Variants in ANKRD30BL observed in about 807,000 individuals in gnomAD.
ANKRD30BL encodes putative ankyrin repeat domain-containing protein 30B-like.
A neutral mutation model predicts 18.4 loss-of-function variants in ANKRD30BL; 20 were observed. That is an observed-to-expected ratio of 1.09 (90% confidence interval 0.77 to 1.58). The LOEUF is 1.58. Ranked by LOEUF, ANKRD30BL falls within the 40% of genes most tolerant of loss-of-function variation. The probability of loss-of-function intolerance (pLI) is 0.00; values close to 1 mark genes in which losing one functional copy is unlikely to be tolerated. For missense variants in ANKRD30BL, 224 were observed against 268.6 expected (o/e 0.83, Z 1.16); for synonymous variants, 72 against 100.9 (o/e 0.71, Z 1.72).
In ANKRD30BL at chr2:132,253,711, G is replaced by GCACCTGACC. The variant is rs1392453828; in HGVS notation, n.441+3809_441+3817dup. Among the ~76,000 whole-genome samples the GCACCTGACC allele has an allele frequency of 6.0e-3, 919 of 152,008 alleles. 3 individuals are homozygous for GCACCTGACC. Among genetic ancestry groups the GCACCTGACC allele is most frequent in the Non-Finnish European group, 0.01 (688 of 67,886 alleles). Reference sequence around the variant, plus strand: ...GAACGGACTCCACTGTGGGCCCACTGCACCTGACCCACAGGCAGACCGGCG... The same window carrying GCACCTGACC: ...GAACGGACTCCACTGTGGGCCCACTGCACCTGACCCACCTGACCCACAGGCAGACCGGCG... On this transcript the variant is annotated intron_variant and non_coding_transcript_variant, in intron 1 of 4. Coordinates refer to the ANKRD30BL transcript ENST00000470729.
intron 1 of ANKRD30BL, among the ~76,000 whole-genome samples, chr2:132,254,980 C>G (rs564337042): frequency 6.6e-6 from 1 of 152,304 alleles, no homozygotes; most frequent in African/African-American, 2.4e-5. Context: ...GCAGGCTCCA[C>G]TCCTGGTGGT....
chr2:132,176,589 C>T (rs1437238445), intron 1 of ANKRD30BL, among the ~76,000 whole-genome samples: 5 of 150,350 alleles, frequency 3.3e-5, no homozygotes, highest in Admixed American at 6.7e-5. Context: ...CCAGCCTGGG[C>T]GATAGAGCAA....
chr2:132,203,624 C>T (rs924932549), intron 1 of ANKRD30BL, among the ~76,000 whole-genome samples: 7 of 152,032 alleles, frequency 4.6e-5, no homozygotes, highest in African/African-American at 1.7e-4. Flanking sequence ...AATACAATTT[C>T]TCAGTTGAGA....
chr2:132,226,106 T>C (rs1177521367), intron 1 of ANKRD30BL, among the ~76,000 whole-genome samples: 1 of 152,084 alleles, frequency 6.6e-6, no homozygotes, highest in African/African-American at 2.4e-5. Flanking sequence ...AGAGCAGTTA[T>C]GAAACACTCT....
intron 1 of ANKRD30BL, among the ~76,000 whole-genome samples, chr2:132,247,485 T>C (rs370085163): frequency 4.7e-4 from 69 of 148,348 alleles, no homozygotes; most frequent in African/African-American, 1.7e-3. Context: ...TACAAAAGGA[T>C]TGTTTCCAAA....
intron 1 of ANKRD30BL, among the ~76,000 whole-genome samples, chr2:132,176,077 A>G (rs1196901344): frequency 8.5e-5 from 13 of 152,228 alleles, no homozygotes; most frequent in Non-Finnish European, 1.9e-4. Flanking sequence ...GAAGAAAACT[A>G]AAACAAATAA....
intron 1 of ANKRD30BL, among the ~76,000 whole-genome samples, chr2:132,250,593 A>C (rs989970525): frequency 8.5e-5 from 13 of 152,208 alleles, no homozygotes; most frequent in Non-Finnish European, 1.5e-4. Flanking sequence ...AAACAGATTC[A>C]GGGAAAGGGC....
chr2:132,188,713 A>AAACAAC lies in ANKRD30BL; in HGVS notation n.442-31573_442-31568dup, dbSNP rs72500297. ...TGATAGAGCGAGCCTCTGTCTCAGA[A>AAACAAC]AACAACAACAACAACAACAACAACA... On this transcript the variant is annotated intron_variant and non_coding_transcript_variant, in intron 1 of 4. Coordinates refer to the ANKRD30BL transcript ENST00000470729. Among the ~76,000 whole-genome samples, 877 of 151,606 alleles carry AAACAAC rather than the reference A, an allele frequency of 5.8e-3. 5 individuals are homozygous for AAACAAC. The highest frequency in any genetic ancestry group is 0.02 in the African/African-American group (821 of 41,152).
At chr2:132,187,188 G>GTTTTTTTTTTTT (rs1193358076) in intron 1 of ANKRD30BL, among the ~76,000 whole-genome samples, 4 of 90,620 alleles carry the variant, frequency 4.4e-5, no homozygotes, top group East Asian at 3.4e-4. Flanking sequence ...TTTTTTGTTT[G>GTTTTTTTTTTTT]TTTTTTTTTT....
At chr2:132,254,414 G>A (rs991238914) in intron 1 of ANKRD30BL, among the ~76,000 whole-genome samples, 1 of 152,240 alleles carries the variant, frequency 6.6e-6, no homozygotes, top group Admixed American at 6.5e-5. Flanking sequence ...AGATAGTCAA[G>A]TTCGACTGTC....
intron 1 of ANKRD30BL, among the ~76,000 whole-genome samples, chr2:132,201,557 G>T (rs1201675314): frequency 6.6e-6 from 1 of 152,128 alleles, no homozygotes; most frequent in Non-Finnish European, 1.5e-5. Context: ...ATCATCACTG[G>T]CCATCAGAGA....
At chr2:132,216,926 A>G (rs1211501413) in intron 1 of ANKRD30BL, among the ~76,000 whole-genome samples, 1 of 151,994 alleles carries the variant, frequency 6.6e-6, no homozygotes, top group Non-Finnish European at 1.5e-5. Context: ...ATATCTTCAC[A>G]TAATCACTAG....
At chr2:132,177,697 A>T (rs889713793) in intron 1 of ANKRD30BL, among the ~76,000 whole-genome samples, 5 of 152,228 alleles carry the variant, frequency 3.3e-5, no homozygotes, top group African/African-American at 1.2e-4. Context: ...GGATTTCAAT[A>T]TAGCATTTTC....
At chr2:132,245,864 C>T (rs1204027612) in intron 1 of ANKRD30BL, among the ~76,000 whole-genome samples, 1 of 151,196 alleles carries the variant, frequency 6.6e-6, no homozygotes, top group Non-Finnish European at 1.5e-5. Flanking sequence ...ATTCAACATT[C>T]TCTTTTATAG....
intron 1 of ANKRD30BL, among the ~76,000 whole-genome samples, chr2:132,222,484 T>C (rs1679718729): frequency 6.6e-6 from 1 of 152,150 alleles, no homozygotes; most frequent in South Asian, 2.1e-4. Context: ...CATTTTGTTC[T>C]GTACTGGGAA....
chr2:132,242,515 G>A (rs1014587799), intron 1 of ANKRD30BL, among the ~76,000 whole-genome samples: 1 of 149,860 alleles, frequency 6.7e-6, no homozygotes, highest in Non-Finnish European at 1.5e-5. Context: ...AGCGCTTTGT[G>A]GCCTATGGTG....
At chr2:132,231,273 C>A (rs139259617) in intron 1 of ANKRD30BL, among the ~76,000 whole-genome samples, 10 of 152,294 alleles carry the variant, frequency 6.6e-5, no homozygotes, top group African/African-American at 1.9e-4. Context: ...TGAAGAAATG[C>A]AAATGGATAT....
At position 132,221,069 on chromosome 2, in the gene ANKRD30BL, G is replaced by T. The variant is rs1285675799; in HGVS notation, n.441+36460C>A. On this transcript the variant is annotated intron_variant and non_coding_transcript_variant, in intron 1 of 4. Coordinates refer to the ANKRD30BL transcript ENST00000470729. The stretch of plus-strand genomic sequence containing the variant: ...CCCGGCCGCCCCGTCTGAGAAGTGA[G>T]GAAACCCTCTGCCTGGCAACCGCCC... Among the ~76,000 whole-genome samples the T allele has an allele frequency of 6.0e-5, 9 of 149,820 alleles. No homozygotes were observed. In the East Asian group the frequency reaches 1.8e-3, roughly 30 times the overall value.
In ANKRD30BL at chr2:132,222,417, T is replaced by G. The variant is rs575683360; in HGVS notation, n.441+35112A>C. Among the ~76,000 whole-genome samples the G allele has an allele frequency of 5.9e-5, 9 of 152,042 alleles. No individual in the cohort carries two copies. The South Asian group carries it at 1.9e-3, about 32-fold the overall frequency. On this transcript the variant is annotated intron_variant and non_coding_transcript_variant, in intron 1 of 4. Transcript: ENST00000470729. ...AAGGCGGGAAGGTTGGGGAAAAAAT[T>G]GAGAAATCGGATGGTTGCCGGGTCT...
Sources: gnomAD v4.1 joint callset for allele counts (sites outside exome capture counted in the v4.1 genomes callset) on GRCh38, gnomAD v4.1.1 for gene constraint, MANE v1.5 for transcripts, NCBI Gene and HGNC (gene_info 2026-07-23, HGNC 2026-07-21) for gene names.